The following DLG2 variants were observed in gnomAD, a reference collection of about 807,000 sequenced individuals.
DLG2 encodes the protein discs large MAGUK scaffold protein 2.
In DLG2, 45 loss-of-function variants were observed where a neutral mutation model predicts 132.5. The observed-to-expected ratio is 0.34, with a 90% CI of 0.27 to 0.44. The LOEUF (loss-of-function observed/expected upper bound fraction) is 0.44. Ranked by LOEUF, DLG2 falls within the 20% of genes least tolerant of loss-of-function variation. The pLI, the probability that DLG2 is intolerant of heterozygous loss-of-function variation, is 1.00. For missense variants in DLG2, 1,045 were observed against 1,196.9 expected, an observed-to-expected ratio of 0.87 and a Z score of 1.87; for synonymous variants, 424 against 419.6, an observed-to-expected ratio of 1.01 and a Z score of -0.13.
At chr11:85,470,618 A>AGGCTGG (rs2092955260) in intron 3 of DLG2, among the ~76,000 whole-genome samples, 6 of 152,134 alleles carry the variant, frequency 3.9e-5, no homozygotes, top group African/African-American at 1.4e-4. Flanking sequence ...CAGGGGGCTG[A>AGGCTGG]GGCTGAGGCT....
chr11:84,105,345 C>T (rs1423937635), intron 9 of DLG2, among the ~76,000 whole-genome samples: 4 of 152,114 alleles, frequency 2.6e-5, no homozygotes, highest in African/African-American at 9.7e-5. Flanking sequence ...AGTCTAGTTT[C>T]ATCATCTGTC....
chr11:83,834,300 A>T (rs1277313866), intron 16 of DLG2, among the ~76,000 whole-genome samples: 1 of 152,198 alleles, frequency 6.6e-6, no homozygotes, highest in Non-Finnish European at 1.5e-5. Flanking sequence ...AGATGGTCCT[A>T]TGGAGGGCTG....
At chr11:84,705,719 C>A (rs1264062815) in intron 6 of DLG2, among the ~76,000 whole-genome samples, 3 of 151,794 alleles carry the variant, frequency 2.0e-5, no homozygotes, top group South Asian at 2.1e-4. Flanking sequence ...TCAAATACCT[C>A]ATTTTCCCTC....
At chr11:84,041,583 G>C (rs1246137150) in intron 11 of DLG2, among the ~76,000 whole-genome samples, 1 of 151,642 alleles carries the variant, frequency 6.6e-6, no homozygotes, top group Non-Finnish European at 1.5e-5. Context: ...AAATTTACTG[G>C]GAATATTTTC....
intron 4 of DLG2, among the ~76,000 whole-genome samples, chr11:85,176,384 A>G (rs964427078): frequency 2.6e-5 from 4 of 152,214 alleles, no homozygotes; most frequent in Non-Finnish European, 5.9e-5. Context: ...TATTTAACAA[A>G]TGGTGCTAGG....
chr11:85,349,256 T>C (rs944326180), intron 3 of DLG2, among the ~76,000 whole-genome samples: 1 of 152,058 alleles, frequency 6.6e-6, no homozygotes, highest in Admixed American at 6.6e-5. Flanking sequence ...GCAGACTGTT[T>C]GTAGATAAAC....
intron 3 of DLG2, among the ~76,000 whole-genome samples, chr11:85,487,109 T>A (rs1180173992): frequency 6.6e-6 from 1 of 150,800 alleles, no homozygotes; most frequent in Admixed American, 6.6e-5. Context: ...AAACTTCCTA[T>A]TCAGCCAACA....
intron 6 of DLG2, among the ~76,000 whole-genome samples, chr11:84,704,903 C>CAT (rs1404231192): frequency 6.7e-6 from 1 of 148,304 alleles, no homozygotes; most frequent in Non-Finnish European, 1.5e-5. Context: ...TATATATACA[C>CAT]ATATATATAC....
chr11:83,612,279 A>G (rs1219520024), intron 19 of DLG2, among the ~76,000 whole-genome samples: 1 of 152,230 alleles, frequency 6.6e-6, no homozygotes, highest in Non-Finnish European at 1.5e-5. Flanking sequence ...GTGATTTAGA[A>G]CAGGCTTCTC....
intron 3 of DLG2, among the ~76,000 whole-genome samples, chr11:85,498,481 G>A (rs143204850): frequency 0.072 from 10,913 of 152,028 alleles, 685 homozygotes; most frequent in East Asian, 0.29. Flanking sequence ...AATAATAATG[G>A]GAGACTTTAA....
At chr11:84,049,835 A>C (rs759567778) in intron 11 of DLG2, among the ~76,000 whole-genome samples, 1 of 151,832 alleles carries the variant, frequency 6.6e-6, no homozygotes, top group Non-Finnish European at 1.5e-5. Flanking sequence ...ATTGCTTCTG[A>C]TTGCGTCAAT....
intron 9 of DLG2, among the ~76,000 whole-genome samples, chr11:84,113,831 C>T (rs919143306): frequency 2.6e-5 from 4 of 152,088 alleles, no homozygotes; most frequent in Non-Finnish European, 4.4e-5. Flanking sequence ...GATAGAGTCT[C>T]AGATTCCACC....
intron 7 of DLG2, among the ~76,000 whole-genome samples, chr11:84,506,020 G>A (rs958841452): frequency 2.0e-5 from 3 of 151,450 alleles, no homozygotes; most frequent in African/African-American, 7.3e-5. Context: ...AGGACCTTGA[G>A]ATGGCGAGTT....
chr11:85,017,366 T>C (rs111369347), intron 6 of DLG2, among the ~76,000 whole-genome samples: 2 of 150,498 alleles, frequency 1.3e-5, no homozygotes, highest in East Asian at 2.0e-4. Context: ...CTTTTTTTTT[T>C]ATTCCTTTCT....
At chr11:84,773,483 A>G (rs2069790779) in intron 6 of DLG2, among the ~76,000 whole-genome samples, 1 of 152,206 alleles carries the variant, frequency 6.6e-6, no homozygotes, top group Non-Finnish European at 1.5e-5. Context: ...AGTAAACTTC[A>G]GGCCAATATC....
intron 6 of DLG2, among the ~76,000 whole-genome samples, chr11:84,685,842 A>G (rs2099737665): frequency 6.6e-6 from 1 of 152,024 alleles, no homozygotes. Flanking sequence ...AGCAGCTGGG[A>G]CCACAGACTA....
At chr11:84,195,662 C>G (rs2096502080) in intron 8 of DLG2, among the ~76,000 whole-genome samples, 1 of 152,190 alleles carries the variant, frequency 6.6e-6, no homozygotes, top group South Asian at 2.1e-4. Context: ...GGATAAAAAT[C>G]CATACTGTGT....
intron 24 of DLG2, among the ~76,000 whole-genome samples, chr11:83,470,600 C>T (rs2091904672): frequency 6.6e-6 from 1 of 152,142 alleles, no homozygotes; most frequent in South Asian, 2.1e-4. Context: ...TGTAAACGAC[C>T]TGGAGTTTCA....
intron 18 of DLG2, among the ~76,000 whole-genome samples, chr11:83,748,451 T>G (rs1404175920): frequency 6.6e-6 from 1 of 152,210 alleles, no homozygotes; most frequent in East Asian, 1.9e-4. Context: ...CTAATAAGCC[T>G]GCTTTTTCTA....
Sources: allele counts gnomAD v4.1 joint callset (sites outside exome capture counted in the v4.1 genomes callset), GRCh38; gene constraint gnomAD v4.1.1; transcripts MANE v1.5; gene names NCBI Gene and HGNC (gene_info 2026-07-23, HGNC 2026-07-21).